The following EPG5 variants were observed in gnomAD, a reference collection of about 807,000 sequenced individuals.
EPG5 encodes ectopic P granules protein 5 homolog.
Under a neutral mutation model 302.7 loss-of-function variants are expected in EPG5, and 159 were observed. The observed-to-expected ratio is 0.53, with a 90% CI of 0.46 to 0.60. The LOEUF (loss-of-function observed/expected upper bound fraction) is 0.60, where lower values mean the gene tolerates loss of function less well. EPG5 is among the 20% of genes least tolerant of loss of function. The pLI is 0.00. For missense variants in EPG5, 2,896 were observed against 3,092.4 expected (o/e 0.94, Z 1.51); for synonymous variants, 1,158 against 1,136.8 (o/e 1.02, Z -0.37).
chr18:45,877,098 A>C (rs1287868224), intron 34 of EPG5, among the ~76,000 whole-genome samples: 1 of 152,100 alleles, frequency 6.6e-6, no homozygotes, highest in African/African-American at 2.4e-5. Flanking sequence ...GAAATTCTTT[A>C]TATGAAAAAT....
chr18:45,878,567 T>C (rs1194430189), intron 33 of EPG5, 119 bp from the exon 34 acceptor site: 1 of 660,190 alleles, frequency 1.5e-6, no homozygotes, highest in African/African-American at 1.8e-5. Context: ...TATGTTAATG[T>C]ATAAACAACA....
Position 45,901,103 on chromosome 18 carries a change from G to A in EPG5, c.4539C>T (p.His1513=), listed in dbSNP as rs1388274773. ...HEAPQPPLAL[H]PTKPPVPVIS... ...TAACTGGCACAGGAGGCTTCGTCGG[G>A]TGCAGAGCAAGGGGAGGCTGGGGAG... is the stretch of plus-strand genomic sequence containing the variant. The change falls in exon 26 of 44, where the codon CAC becomes CAT. Residue 1513 remains histidine, a synonymous_variant. Transcript: ENST00000282041. The A allele has an allele frequency of 1.2e-6, 2 of 1,614,070 alleles. No individual in the cohort carries two copies. The highest frequency in any genetic ancestry group is 2.7e-5 in the African/African-American group (2 of 74,932).
rs187648101 is a variant in EPG5 at position 45,867,497 on chromosome 18, G to A, written c.6411+66C>T. The A allele has an allele frequency of 1.6e-4, 213 of 1,306,400 alleles. No individual in the cohort carries two copies. In the East Asian group the frequency reaches 4.2e-3, roughly 26 times the overall value. 80.9% of individuals were successfully genotyped at this position (1,306,400 alleles called of 1,614,324 possible). ...ACTGGAAAAACAAATGAAAAACTAC[G>A]ACCTAGTAGAAAGCAAAGATCTAAG... On this transcript the variant is annotated intron_variant, in intron 37 of 43. Transcript: ENST00000282041.
At chr18:45,830,789 G>A in the EPG5 span, among the ~76,000 whole-genome samples, 1 of 141,250 alleles carries the variant, frequency 7.1e-6, no homozygotes, top group East Asian at 2.1e-4. Flanking sequence ...TAGTAGAGAC[G>A]GGGTTTCACC....
At position 45,870,550 on chromosome 18, in the gene EPG5, G is replaced by A. The variant is rs568802919; in HGVS notation, c.6225+17C>T. ...CCAGATCTCTCTAGGCTGCGATGCCGGGAATGAAGGGCTTACTTTGAAGAA... is the reference window on the plus strand; with the variant it reads ...CCAGATCTCTCTAGGCTGCGATGCCAGGAATGAAGGGCTTACTTTGAAGAA... On this transcript the variant is annotated intron_variant, in intron 36 of 43. Transcript: ENST00000282041. 5.3e-5 allele frequency: 85 copies of A among 1,607,852 alleles called. No homozygotes were observed. Among genetic ancestry groups the A allele is most frequent in the East Asian group, 3.6e-4 (16 of 44,766 alleles).
At chr18:45,845,913 G>A (rs1245164509), downstream of EPG5, among the ~76,000 whole-genome samples, 5 of 152,316 alleles carry the variant, frequency 3.3e-5, no homozygotes, top group South Asian at 2.1e-4. Flanking sequence ...ATGTAGCTAC[G>A]TGAGAAGAAA....
chr18:45,965,312 G>A (rs962784853), intron 1 of EPG5, among the ~76,000 whole-genome samples: 1 of 152,176 alleles, frequency 6.6e-6, no homozygotes, highest in African/African-American at 2.4e-5. Flanking sequence ...CAGAAGGTGG[G>A]AAGAAGGGAA....
chr18:45,884,427 C>G (rs1220257066), intron 30 of EPG5, among the ~76,000 whole-genome samples, 190 bp downstream of exon 30: 1 of 152,164 alleles, frequency 6.6e-6, no homozygotes, highest in Non-Finnish European at 1.5e-5. Flanking sequence ...ACAAGACAAC[C>G]AATGCCCCAC....
chr18:45,838,964 C>G, the EPG5 span: 4 of 1,604,000 alleles, frequency 2.5e-6, no homozygotes, highest in Non-Finnish European at 3.4e-6. Flanking sequence ...CGCTCCGAGG[C>G]CAGCGTCTAC....
intron 35 of EPG5, among the ~76,000 whole-genome samples, chr18:45,871,764 C>T (rs1359221327): frequency 6.6e-6 from 1 of 151,930 alleles, no homozygotes; most frequent in Non-Finnish European, 1.5e-5. Flanking sequence ...ATGACAGTTA[C>T]CAGAGGCTGT....
Position 45,957,553 on chromosome 18 carries a change from C to T in EPG5, c.64-2215G>A, listed in dbSNP as rs575532104. ...AAATTAAGAGGGAAAATGGTTACTA[C>T]GGCAAGAGAAATGTTAGTGGACACA... On this transcript the variant is annotated intron_variant, in intron 1 of 43. Coordinates refer to ENST00000282041, the MANE Select transcript of EPG5 (RefSeq NM_020964.3). 1.7e-4 allele frequency among the ~76,000 whole-genome samples: 26 copies of T among 152,282 alleles called. No homozygotes were observed. The South Asian group carries it at 4.1e-3, about 24-fold the overall frequency.
chr18:45,925,951 G>T, intron 13 of EPG5, 49 bp from the exon 14 acceptor site: 2 of 1,105,728 alleles, frequency 1.8e-6, no homozygotes, highest in Non-Finnish European at 2.4e-6. Context: ...TAGAAACAAT[G>T]CTATATTACT....
In EPG5 at chr18:45,909,771, G is replaced by A. The variant is rs200803182; in HGVS notation, c.4205+750C>T. Among the ~76,000 whole-genome samples the A allele has an allele frequency of 4.6e-5, 7 of 152,246 alleles. No homozygotes were observed. The East Asian group carries it at 5.8e-4, about 13-fold the overall frequency. On this transcript the variant is annotated intron_variant, in intron 23 of 43. Transcript: ENST00000282041. ...AGGATCTATGAACCACACTTAAAGA[G>A]CCCTGCCCTGGTCATTTGTTTCTTT... is the stretch of plus-strand genomic sequence containing the variant.
At chr18:45,947,549 A>G (rs1295127211) in intron 6 of EPG5, among the ~76,000 whole-genome samples, 5 of 152,162 alleles carry the variant, frequency 3.3e-5, no homozygotes, top group African/African-American at 9.7e-5. Flanking sequence ...AAGGGAGAGG[A>G]ACCATCAAAT....
rs534703628 is a variant in EPG5, at chr18:45,876,709, A to C, written c.5943-367T>G. On this transcript the variant is annotated intron_variant, in intron 34 of 43. Transcript: ENST00000282041. ...AGCTTCAACAGTTTTCTCTACTCAA[A>C]GCATTAAAAAAAAAAAATCAAATTC... Among the ~76,000 whole-genome samples the C allele has an allele frequency of 2.0e-5, 3 of 152,214 alleles. No homozygotes were observed. The East Asian group carries it at 5.8e-4, about 29-fold the overall frequency.
At chr18:45,820,601 C>T in the EPG5 span, among the ~76,000 whole-genome samples, 3 of 141,960 alleles carry the variant, frequency 2.1e-5, no homozygotes, top group East Asian at 6.6e-4. Context: ...ACATGACCAC[C>T]TGCTGCTGCT....
chr18:45,889,306 G>A (rs1477038596), intron 28 of EPG5, among the ~76,000 whole-genome samples: 1 of 152,238 alleles, frequency 6.6e-6, no homozygotes. Context: ...TCAAATGCAA[G>A]TTCACAACCA....
chr18:45,889,719 G>A lies in EPG5; in HGVS notation c.4952+79C>T, dbSNP rs906898394. 13 of 1,316,830 alleles carry A rather than the reference G, an allele frequency of 9.9e-6. No individual in the cohort carries two copies. The African/African-American group carries it at 1.9e-4, about 19-fold the overall frequency. The allele number at this position is 1,316,830 out of a possible 1,614,324, so 81.6% of individuals were successfully genotyped here. On this transcript the variant is annotated intron_variant, in intron 28 of 43. Transcript: ENST00000282041. ...TTAACCTGTGGGTGCTGCAGGGGTG[G>A]TGGTGGTATAGTAGCATGTATGATT...
chr18:45,931,878 T>C (rs184650511), intron 11 of EPG5, among the ~76,000 whole-genome samples: 220 of 150,932 alleles, frequency 1.5e-3, no homozygotes, highest in African/African-American at 5.1e-3. Context: ...TATACATATA[T>C]ATATATATCC....
Sources: gnomAD v4.1 joint callset for allele counts (sites outside exome capture counted in the v4.1 genomes callset) on GRCh38, gnomAD v4.1.1 for gene constraint, MANE v1.5 for transcripts, NCBI Gene and HGNC (gene_info 2026-07-23, HGNC 2026-07-21) for gene names.